The following FUT8 variants were observed in gnomAD, a reference collection of about 807,000 sequenced individuals.
FUT8 encodes alpha-(1,6)-fucosyltransferase.
Under a neutral mutation model 71.3 loss-of-function variants are expected in FUT8, and 29 were observed. That is an observed-to-expected ratio of 0.41 (90% CI 0.30 to 0.55). FUT8 has a LOEUF of 0.55. FUT8 is among the 20% of genes least tolerant of loss of function. FUT8 has a pLI of 0.34. For missense variants in FUT8, 544 were observed against 702.1 expected, an observed-to-expected ratio of 0.77 and a Z score of 2.55; for synonymous variants, 254 against 239.3, an observed-to-expected ratio of 1.06 and a Z score of -0.57.
rs1888403596 is a variant in FUT8 at position 65,603,296 on chromosome 14, G to GT, written c.204-12675dup. Among the ~76,000 whole-genome samples the GT allele has an allele frequency of 6.6e-6, 1 of 151,326 alleles. No individual in the cohort carries two copies. The highest frequency in any genetic ancestry group is 1.5e-5 in the Non-Finnish European group (1 of 67,740). ...AGATCAGTTGGCTGTAAGTATTTGG[G>GT]TTTTTTTCTGGGTTCTCTATTCTGT... On this transcript the variant is annotated intron_variant, in intron 3 of 10. Coordinates refer to ENST00000673929, the MANE Select transcript of FUT8 (RefSeq NM_001371533.1). The surrounding 1 kb of genome is among the most constrained non-coding windows in gnomAD (Gnocchi z 4.5).
chr14:65,361,791 A>C, the FUT8 span, among the ~76,000 whole-genome samples: 1 of 150,652 alleles, frequency 6.6e-6, no homozygotes, highest in South Asian at 2.1e-4. Flanking sequence ...TGTCTCAAAG[A>C]AAACAAACAA....
intron 3 of FUT8, among the ~76,000 whole-genome samples, chr14:65,611,069 A>G (rs1240122149): frequency 3.3e-5 from 5 of 151,596 alleles, no homozygotes; most frequent in South Asian, 4.2e-4. Context: ...TGTGGCTACA[A>G]TAGGGGTTGG....
chr14:65,376,905 G>A, the FUT8 span, among the ~76,000 whole-genome samples: 4 of 152,314 alleles, frequency 2.6e-5, no homozygotes, highest in South Asian at 4.1e-4. Context: ...TCACGTGAGG[G>A]ATAGAAAAGG....
At chr14:65,668,282 G>A (rs1250466392) in intron 6 of FUT8, among the ~76,000 whole-genome samples, 1 of 152,046 alleles carries the variant, frequency 6.6e-6, no homozygotes, top group Non-Finnish European at 1.5e-5. Flanking sequence ...TAAACAGACA[G>A]CCAACAGAAT....
intron 1 of FUT8, among the ~76,000 whole-genome samples, chr14:65,441,566 C>T (rs2139486178): frequency 6.6e-6 from 1 of 151,780 alleles, no homozygotes; most frequent in African/African-American, 2.4e-5. Flanking sequence ...CATGGTGAAA[C>T]CCCATCTCTA....
intron 7 of FUT8, among the ~76,000 whole-genome samples, chr14:65,717,202 C>G (rs372217901): frequency 3.3e-5 from 4 of 120,444 alleles, no homozygotes; most frequent in Admixed American, 8.6e-5. Flanking sequence ...CGGGCAGAGG[C>G]GCTCCTCACC....
At chr14:65,421,665 C>A (rs1480747297) in intron 1 of FUT8, among the ~76,000 whole-genome samples, 1 of 148,778 alleles carries the variant, frequency 6.7e-6, no homozygotes, top group East Asian at 2.0e-4. Context: ...ACCGAGTCAT[C>A]TTTTTAAATT....
At position 65,744,054 on chromosome 14, in the gene FUT8, A is replaced by G. The variant is rs1896623389; in HGVS notation, c.*1644A>G. The G allele has an allele frequency of 6.6e-6, 1 of 151,944 alleles. No homozygotes were observed. The allele number at this position is 151,944 out of a possible 1,614,324, so 9.4% of individuals were successfully genotyped here. ...AAGCCTCCCAAAGAAAAAAGAAATT[A>G]ACTTCCTACAGTGTCAGCAAGCAAT... is the stretch of plus-strand genomic sequence containing the variant. On this transcript the variant is annotated 3_prime_UTR_variant, in exon 11 of 11. Transcript: ENST00000673929.
chr14:65,647,991 C>G (rs1422828498), intron 6 of FUT8, among the ~76,000 whole-genome samples: 1 of 152,046 alleles, frequency 6.6e-6, no homozygotes, highest in African/African-American at 2.4e-5. Flanking sequence ...TTGGAGGTTG[C>G]TCTTCCTTTT....
At position 65,455,725 on chromosome 14, in the gene FUT8, G is replaced by A. The variant is rs765995288; in HGVS notation, c.-228+7G>A. ...ATTAACTGGACAAATTCAGGTTAGTGTATTTTGTGGACAGCACTTCCCTGT... is the reference window on the plus strand; with the variant it reads ...ATTAACTGGACAAATTCAGGTTAGTATATTTTGTGGACAGCACTTCCCTGT... On this transcript the variant is annotated splice_region_variant and intron_variant, in intron 2 of 10. Transcript: ENST00000673929. 14 of 398,012 alleles carry A rather than the reference G, an allele frequency of 3.5e-5. No individual in the cohort carries two copies. The highest frequency in any genetic ancestry group is 5.3e-5 in the Non-Finnish European group (12 of 225,842). The allele number at this position is 398,012 out of a possible 1,614,324, so 24.7% of individuals were successfully genotyped here.
chr14:65,363,405 G>A, the FUT8 span, among the ~76,000 whole-genome samples: 5 of 152,106 alleles, frequency 3.3e-5, no homozygotes, highest in African/African-American at 1.2e-4. Context: ...ACAGGCGTGA[G>A]CCACTGCACC....
chr14:65,549,780 T>C (rs1263104575), intron 2 of FUT8, among the ~76,000 whole-genome samples: 1 of 152,170 alleles, frequency 6.6e-6, no homozygotes, highest in East Asian at 1.9e-4. Flanking sequence ...TATCTGACAA[T>C]AAGTCCTATC....
At position 65,412,911 on chromosome 14, in the gene FUT8, G is replaced by A. The variant is rs1351556357; in HGVS notation, c.-629G>A. On this transcript the variant is annotated 5_prime_UTR_variant, in exon 1 of 11. Coordinates refer to ENST00000673929, the MANE Select transcript of FUT8 (RefSeq NM_001371533.1). The stretch of plus-strand genomic sequence containing the variant: ...AGCCGACCCGTCCCTTCGTCTCCCC[G>A]CGGAATGGGGCCGGCACTGCTCAGG... 6.7e-6 allele frequency: 1 copy of A among 150,374 alleles called. No homozygotes were observed. The highest frequency in any genetic ancestry group is 1.4e-5 in the Non-Finnish European group (1 of 69,454). 9.3% of individuals were successfully genotyped at this position (150,374 alleles called of 1,614,324 possible). A position where few individuals can be genotyped will look rare whatever the true frequency, so the allele number is the denominator to read the frequency against.
At chr14:65,689,212 G>A (rs1334313300) in intron 7 of FUT8, among the ~76,000 whole-genome samples, 1 of 152,184 alleles carries the variant, frequency 6.6e-6, no homozygotes, top group Non-Finnish European at 1.5e-5. Context: ...TAATAGATAT[G>A]TGGTAGTATT....
intron 3 of FUT8, among the ~76,000 whole-genome samples, chr14:65,588,650 A>C (rs978491688): frequency 2.0e-5 from 3 of 151,976 alleles, no homozygotes; most frequent in Non-Finnish European, 4.4e-5. Flanking sequence ...GGTCCCCTTT[A>C]TCCATGGTTT....
At chr14:65,540,973 A>G (rs945466667) in intron 2 of FUT8, among the ~76,000 whole-genome samples, 4 of 152,226 alleles carry the variant, frequency 2.6e-5, no homozygotes, top group African/African-American at 9.6e-5. Flanking sequence ...TAGGCGGCAC[A>G]GATCACTCTG....
At chr14:65,376,828 CCTGGGCT>C in the FUT8 span, among the ~76,000 whole-genome samples, 1 of 152,166 alleles carries the variant, frequency 6.6e-6, no homozygotes, top group Non-Finnish European at 1.5e-5. Context: ...GGGACTCAGA[CCTGGGCT>C]CTTCTGTCAC....
At chr14:65,366,425 A>T in the FUT8 span, among the ~76,000 whole-genome samples, 5 of 152,150 alleles carry the variant, frequency 3.3e-5, no homozygotes, top group Non-Finnish European at 5.9e-5. Context: ...TTTTTCCCCG[A>T]TGGCTTCTGT....
chr14:65,572,384 T>C (rs1236209429), intron 3 of FUT8, among the ~76,000 whole-genome samples: 2 of 152,184 alleles, frequency 1.3e-5, no homozygotes, highest in Non-Finnish European at 2.9e-5. Flanking sequence ...GAGTAAGTAC[T>C]CACATTATCC....
Sources: allele counts gnomAD v4.1 joint callset (sites outside exome capture counted in the v4.1 genomes callset), GRCh38; gene constraint gnomAD v4.1.1; non-coding constraint Gnocchi (gnomAD v3.1); transcripts MANE v1.5; gene names NCBI Gene and HGNC (gene_info 2026-07-23, HGNC 2026-07-21).